Variants in PAK1 observed in about 807,000 individuals in gnomAD.
PAK1 encodes serine/threonine-protein kinase PAK 1.
In PAK1, 29 loss-of-function variants were observed where a neutral mutation model predicts 67.4. That is an observed-to-expected ratio of 0.43 (90% CI 0.32 to 0.59). PAK1 has a LOEUF of 0.59. Among genes scored for constraint, PAK1 ranks in the 20% least tolerant of loss-of-function variants. PAK1 has a pLI of 0.07. For missense variants in PAK1, 337 were observed against 670.7 expected, an observed-to-expected ratio of 0.50 and a Z score of 5.50; for synonymous variants, 223 against 237.4, an observed-to-expected ratio of 0.94 and a Z score of 0.56.
intron 3 of PAK1, among the ~76,000 whole-genome samples, chr11:77,379,642 A>G (rs922816204): frequency 6.6e-6 from 1 of 152,210 alleles, no homozygotes; most frequent in African/African-American, 2.4e-5. Context: ...TTCCTGCATG[A>G]TCAGTGCCCC....
In PAK1 at chr11:77,335,998, G is replaced by A. The variant is rs1220551655; in HGVS notation, c.1413+88C>T. On this transcript the variant is annotated intron_variant, in intron 13 of 14. Coordinates refer to ENST00000356341, the MANE Select transcript of PAK1 (RefSeq NM_002576.5). The stretch of plus-strand genomic sequence containing the variant: ...TATCCAGAAAAGGGATCTCCAGGTT[G>A]AAAACCACAGAGAACACCCTGGATT... 2.2e-5 allele frequency: 18 copies of A among 809,132 alleles called. No homozygotes were observed. In the East Asian group the frequency reaches 4.4e-4, roughly 20 times the overall value. 50.1% of individuals were successfully genotyped at this position (809,132 alleles called of 1,614,324 possible). A position where few individuals can be genotyped will look rare whatever the true frequency, so the allele number is the denominator to read the frequency against.
chr11:77,353,849 C>T (rs1228714402), intron 7 of PAK1, among the ~76,000 whole-genome samples: 1 of 152,082 alleles, frequency 6.6e-6, no homozygotes, highest in East Asian at 1.9e-4. Context: ...TTTAATTAAT[C>T]CATTCAGTAA....
At chr11:77,388,267 G>A (rs1950694192) in intron 2 of PAK1, among the ~76,000 whole-genome samples, 1 of 152,184 alleles carries the variant, frequency 6.6e-6, no homozygotes, top group African/African-American at 2.4e-5. Context: ...ACTTTACAAT[G>A]GCCTAGTTTC....
intron 1 of PAK1, among the ~76,000 whole-genome samples, chr11:77,431,808 A>G (rs561522681): frequency 2.0e-5 from 3 of 152,364 alleles, no homozygotes; most frequent in East Asian, 1.9e-4. Flanking sequence ...CCACGTATAG[A>G]TGGTGAAGCT....
chr11:77,392,318 T>C lies in PAK1; in HGVS notation c.190+13A>G, dbSNP rs780732386. On this transcript the variant is annotated intron_variant, in intron 2 of 14. Transcript: ENST00000356341. ...AAGCATATAAATGATGAGAAGAAAA[T>C]CAAATACTATACTTTTATCTCCAGG... 6 of 1,527,770 alleles carry C rather than the reference T, an allele frequency of 3.9e-6. No individual in the cohort carries two copies. In the South Asian group the frequency reaches 7.4e-5, roughly 19 times the overall value. 94.6% of individuals were successfully genotyped at this position (1,527,770 alleles called of 1,614,324 possible). A position where few individuals can be genotyped will look rare whatever the true frequency, so the allele number is the denominator to read the frequency against.
intron 14 of PAK1, among the ~76,000 whole-genome samples, chr11:77,327,717 C>G (rs1177882673): frequency 6.6e-6 from 1 of 152,336 alleles, no homozygotes; most frequent in Middle Eastern, 3.4e-3. Flanking sequence ...TAGGAAGAAA[C>G]TGCACCAACT....
At chr11:77,447,961 C>T (rs1390079400) in intron 1 of PAK1, among the ~76,000 whole-genome samples, 3 of 152,186 alleles carry the variant, frequency 2.0e-5, no homozygotes, top group Non-Finnish European at 4.4e-5. Flanking sequence ...CCACCACACT[C>T]CCATTTGAAC....
intron 1 of PAK1, among the ~76,000 whole-genome samples, chr11:77,442,907 C>T (rs1338520206): frequency 1.3e-5 from 2 of 152,158 alleles, no homozygotes; most frequent in Non-Finnish European, 1.5e-5. Flanking sequence ...TGACCTTGTG[C>T]AATTCATTTC....
At chr11:77,369,891 C>A (rs931725145) in intron 5 of PAK1, among the ~76,000 whole-genome samples, 1 of 152,090 alleles carries the variant, frequency 6.6e-6, no homozygotes. Context: ...CCTGACTTAT[C>A]TACTTCCTCT....
rs116532496 is a variant in PAK1 at position 77,437,492 on chromosome 11, A to T, written c.-22+36060T>A. Among the ~76,000 whole-genome samples, 593 of 152,286 alleles carry T rather than the reference A, an allele frequency of 3.9e-3. 4 individuals carry two copies. Among genetic ancestry groups the T allele is most frequent in the African/African-American group, 0.012 (513 of 41,556 alleles). ...AATTTTATCTTTTAGCTGTCCCCAC[A>T]ATTCACATGAATACAGACCACTGGT... On this transcript the variant is annotated intron_variant, in intron 1 of 14. Coordinates refer to ENST00000356341, the MANE Select transcript of PAK1 (RefSeq NM_002576.5).
chr11:77,472,338 T>G (rs1299573268), intron 1 of PAK1, among the ~76,000 whole-genome samples: 2 of 152,156 alleles, frequency 1.3e-5, no homozygotes, highest in Non-Finnish European at 2.9e-5. Context: ...GCACCTGACT[T>G]AGAATTTTCC....
chr11:77,402,876 C>G (rs1301224383), intron 1 of PAK1, among the ~76,000 whole-genome samples: 2 of 152,210 alleles, frequency 1.3e-5, no homozygotes, highest in Non-Finnish European at 2.9e-5. Flanking sequence ...TCATTTACTT[C>G]AGTCACCCAT....
rs1358420237 is a variant in PAK1 at position 77,358,985 on chromosome 11, C to T, written c.510G>A (p.Val170=). ...CATCCTCATCTTCTGAAACTGGTGG[C>T]ACTGCAGGAGTCTCAGACACAGCCT... The part of the protein sequence containing the change: ...NVKAVSETPA[V]PPVSEDEDDD... Residue 170 remains valine (V), a synonymous_variant, in exon 6 of 15, where the codon GTG becomes GTA. Transcript: ENST00000356341. 3 of 1,613,036 alleles carry T rather than the reference C, an allele frequency of 1.9e-6. No individual in the cohort carries two copies. The highest frequency in any genetic ancestry group is 2.7e-5 in the African/African-American group (2 of 74,868).
At chr11:77,507,193 A>C in the PAK1 span, among the ~76,000 whole-genome samples, 2 of 152,172 alleles carry the variant, frequency 1.3e-5, no homozygotes, top group Non-Finnish European at 2.9e-5. Context: ...CCTAGCCTTT[A>C]AAAGAGTAAC....
At chr11:77,370,364 T>C (rs146966441) in intron 5 of PAK1, among the ~76,000 whole-genome samples, 1 of 152,328 alleles carries the variant, frequency 6.6e-6, no homozygotes, top group African/African-American at 2.4e-5. Flanking sequence ...TTTCCTCAAG[T>C]AGGCAGTTTA....
At chr11:77,381,138 AGTGTGTGTGTGTGTGT>A (rs34083265) in intron 2 of PAK1, among the ~76,000 whole-genome samples, 5 of 144,366 alleles carry the variant, frequency 3.5e-5, no homozygotes, top group South Asian at 2.2e-4. Context: ...CTCACCACAG[AGTGTGTGTGTGTGTGT>A]GTGTGTGTGT....
chr11:77,353,249 A>C (rs1456030641), intron 8 of PAK1: 22 of 324,984 alleles, frequency 6.8e-5, no homozygotes, highest in Non-Finnish European at 1.0e-4. Context: ...CCGGAAAAGC[A>C]GAGTTGTAAT....
chr11:77,327,126 G>A (rs1195238339), intron 14 of PAK1, among the ~76,000 whole-genome samples: 1 of 152,142 alleles, frequency 6.6e-6, no homozygotes, highest in African/African-American at 2.4e-5. Flanking sequence ...AAGAAATATG[G>A]GACTATGTGA....
chr11:77,499,668 A>T, the PAK1 span, among the ~76,000 whole-genome samples: 1 of 152,212 alleles, frequency 6.6e-6, no homozygotes, highest in South Asian at 2.1e-4. Context: ...CCTTTATTAC[A>T]CTTTTTGTCT....
Sources: gnomAD v4.1 joint callset for allele counts (sites outside exome capture counted in the v4.1 genomes callset) on GRCh38, gnomAD v4.1.1 for gene constraint, MANE v1.5 for transcripts, NCBI Gene and HGNC (gene_info 2026-07-23, HGNC 2026-07-21) for gene names.